DENND10: variants seen among roughly 807,000 people sequenced by gnomAD.
The protein encoded by DENND10 is DENN domain-containing protein 10.
In DENND10, 24 loss-of-function variants were observed where a neutral mutation model predicts 43.6. The ratio of observed to expected loss-of-function variants is 0.55; its 90% CI spans 0.40 to 0.77. DENND10 has a LOEUF of 0.77. DENND10 is among the 30% of genes least tolerant of loss of function. The pLI, the probability that DENND10 is intolerant of heterozygous loss-of-function variation, is 0.00. For missense variants in DENND10, 303 were observed against 429.9 expected (o/e 0.70, Z 2.61); for synonymous variants, 125 against 157.6 (o/e 0.79, Z 1.55).
At chr10:119,107,694 G>A (rs561351164) in intron 1 of DENND10, among the ~76,000 whole-genome samples, 5 of 152,242 alleles carry the variant, frequency 3.3e-5, no homozygotes, top group East Asian at 1.9e-4. Context: ...ATGAGCCATC[G>A]TGCCCGGCCA....
intron 2 of DENND10, among the ~76,000 whole-genome samples, chr10:119,110,011 C>T (rs1396988256): frequency 6.6e-6 from 1 of 151,952 alleles, no homozygotes; most frequent in Non-Finnish European, 1.5e-5. Context: ...TGAGGTCTCA[C>T]TCTGTTGCCC....
intron 6 of DENND10, among the ~76,000 whole-genome samples, chr10:119,124,499 C>T (rs1845738598): frequency 6.6e-6 from 1 of 151,878 alleles, no homozygotes; most frequent in African/African-American, 2.4e-5. Flanking sequence ...TGAGACTGAG[C>T]CACTGCACTC....
chr10:119,107,931 G>A (rs1589712319), intron 1 of DENND10, 37 bp from the exon 2 acceptor site: 3 of 1,590,404 alleles, frequency 1.9e-6, no homozygotes, highest in Non-Finnish European at 2.6e-6. Flanking sequence ...CCTTGCTGCT[G>A]TTTGACATTC....
At chr10:119,107,190 A>C (rs1844734624) in intron 1 of DENND10, among the ~76,000 whole-genome samples, 1 of 151,934 alleles carries the variant, frequency 6.6e-6, no homozygotes, top group Admixed American at 6.6e-5. Context: ...GGTGGTGGGC[A>C]CCTGTAATCC....
At chr10:119,123,327 T>G in intron 5 of DENND10, 142 bp from the exon 6 acceptor site, 1 of 600,382 alleles carries the variant, frequency 1.7e-6, no homozygotes, top group South Asian at 2.2e-5. Context: ...GTTAGCACAT[T>G]TGGGGCTTGG....
At chr10:119,109,026 C>A (rs1479374455) in intron 2 of DENND10, among the ~76,000 whole-genome samples, 3 of 151,500 alleles carry the variant, frequency 2.0e-5, no homozygotes, top group Non-Finnish European at 4.4e-5. Context: ...ACCAGCCTGA[C>A]CAACATGGAG....
Position 119,132,877 on chromosome 10 carries a change from G to A in DENND10, c.897+268G>A, listed in dbSNP as rs1846148553. On this transcript the variant is annotated intron_variant, in intron 8 of 8. Coordinates refer to ENST00000361432, the MANE Select transcript of DENND10 (RefSeq NM_207009.4). The surrounding 1 kb of genome is among the most constrained non-coding windows in gnomAD (Gnocchi z 4.2). ...GCAATGAGAAATGTAACTACCAAGTGGTCTGGAAGGCTTTTCTGGGCCAGC... is the reference window on the plus strand; with the variant it reads ...GCAATGAGAAATGTAACTACCAAGTAGTCTGGAAGGCTTTTCTGGGCCAGC... The A allele has an allele frequency of 4.7e-6, 2 of 424,266 alleles. No homozygotes were observed. The highest frequency in any genetic ancestry group is 3.8e-5 in the South Asian group (1 of 26,400). The allele number at this position is 424,266 out of a possible 1,614,324, so 26.3% of individuals were successfully genotyped here.
At chr10:119,112,686 G>C (rs752611474) in intron 3 of DENND10, among the ~76,000 whole-genome samples, 1 of 151,028 alleles carries the variant, frequency 6.6e-6, no homozygotes, top group Non-Finnish European at 1.5e-5. Flanking sequence ...GTAGAGACAG[G>C]GTTTCACCAT....
intron 4 of DENND10, among the ~76,000 whole-genome samples, chr10:119,118,272 T>C (rs1845393517): frequency 6.6e-6 from 1 of 152,204 alleles, no homozygotes. Flanking sequence ...TATTATTCTA[T>C]TGGCTATTTT....
intron 3 of DENND10, among the ~76,000 whole-genome samples, chr10:119,114,774 A>AT (rs56026125): frequency 0.53 from 77,797 of 145,580 alleles, 21,253 homozygotes; most frequent in Middle Eastern, 0.66. Context: ...CTATTTTATA[A>AT]TTTTTTTTTT....
In DENND10 at chr10:119,126,745, G is replaced by A. The variant is rs1270878; in HGVS notation, c.695-2770G>A. Among the ~76,000 whole-genome samples the A allele has an allele frequency of 7.3e-3, 1,118 of 152,118 alleles. 11 individuals are homozygous for A. The highest frequency in any genetic ancestry group is 0.025 in the African/African-American group (1,048 of 41,508). On this transcript the variant is annotated intron_variant, in intron 6 of 8. Coordinates refer to ENST00000361432, the MANE Select transcript of DENND10 (RefSeq NM_207009.4). ...CTCCCAAAGTTCTGGGATTACAGGCGTGAGCCACTGCGCCCAGCCGTCTGT... is the reference window on the plus strand; with the variant it reads ...CTCCCAAAGTTCTGGGATTACAGGCATGAGCCACTGCGCCCAGCCGTCTGT...
intron 3 of DENND10, among the ~76,000 whole-genome samples, chr10:119,114,928 C>G (rs1000548083): frequency 3.3e-5 from 5 of 151,984 alleles, no homozygotes; most frequent in African/African-American, 1.2e-4. Context: ...CACCACCACA[C>G]CTGGCTAATT....
chr10:119,114,094 G>A (rs980013343), intron 3 of DENND10: 5 of 152,208 alleles, frequency 3.3e-5, no homozygotes, highest in African/African-American at 7.2e-5. Context: ...AGGAGGCCCA[G>A]AGGGTTTCTC....
Position 119,123,487 on chromosome 10 carries a change from G to A in DENND10, c.612G>A (p.Val204=). 1 of 1,613,796 alleles carries A rather than the reference G, an allele frequency of 6.2e-7. No individual in the cohort carries two copies. The highest frequency in any genetic ancestry group is 8.5e-7 in the Non-Finnish European group (1 of 1,179,862). ...TCCCCAGGACTCTGCCTGCCCTGGT[G>A]TGGCACCGACAGGACTGGACCATCC... is the stretch of plus-strand genomic sequence containing the variant. The part of the protein sequence containing the change: ...QEFTRTLPAL[V]WHRQDWTILH... The change falls in exon 6 of 9, where the codon GTG becomes GTA. Residue 204 remains valine (V), a synonymous_variant. Coordinates refer to ENST00000361432, the MANE Select transcript of DENND10 (RefSeq NM_207009.4).
chr10:119,108,352 G>A (rs910576616), intron 2 of DENND10, among the ~76,000 whole-genome samples, 188 bp downstream of exon 2: 11 of 151,522 alleles, frequency 7.3e-5, no homozygotes, highest in Non-Finnish European at 1.3e-4. Flanking sequence ...GCGTGGTGGC[G>A]CACGCCTGTA....
At chr10:119,115,808 G>C (rs1019101239) in intron 3 of DENND10, among the ~76,000 whole-genome samples, 2 of 146,992 alleles carry the variant, frequency 1.4e-5, no homozygotes, top group African/African-American at 5.1e-5. Flanking sequence ...CTGTTGCCCA[G>C]GCTGGAGTGC....
intron 6 of DENND10, among the ~76,000 whole-genome samples, chr10:119,126,026 G>T (rs1845815189): frequency 6.6e-6 from 1 of 151,530 alleles, no homozygotes; most frequent in African/African-American, 2.4e-5. Flanking sequence ...TTAATTTTTA[G>T]CTCCCCCAGA....
rs1222463657 is a variant in DENND10, at chr10:119,137,450, G to A, written c.*803G>A. 6.0e-6 allele frequency: 1 copy of A among 166,348 alleles called. No individual in the cohort carries two copies. The highest frequency in any genetic ancestry group is 1.5e-5 in the Non-Finnish European group (1 of 68,046). The allele number at this position is 166,348 out of a possible 1,614,324, so 10.3% of individuals were successfully genotyped here. ...AACAGTGACCTTATATTATTGCTAA[G>A]GGAATATGAGATTAACTTCCTACAG... On this transcript the variant is annotated 3_prime_UTR_variant, in exon 9 of 9. Coordinates refer to ENST00000361432, the MANE Select transcript of DENND10 (RefSeq NM_207009.4).
At chr10:119,105,553 A>C in intron 1 of DENND10, 1 of 1,126,340 alleles carries the variant, frequency 8.9e-7, no homozygotes, top group Non-Finnish European at 1.1e-6. Flanking sequence ...ACAAAACCTA[A>C]GTAACTTAGT....
Sources: gnomAD v4.1 joint callset for allele counts (sites outside exome capture counted in the v4.1 genomes callset) on GRCh38, gnomAD v4.1.1 for gene constraint, Gnocchi (gnomAD v3.1) non-coding constraint, MANE v1.5 for transcripts, NCBI Gene and HGNC (gene_info 2026-07-23, HGNC 2026-07-21) for gene names.